USP34: variants seen among roughly 807,000 people sequenced by gnomAD.
The protein encoded by USP34 is ubiquitin specific peptidase 34.
USP34 carries 70 observed loss-of-function variants against 460.3 expected under a neutral mutation model. That is an observed-to-expected ratio of 0.15 (90% CI 0.13 to 0.19). The LOEUF (loss-of-function observed/expected upper bound fraction) is 0.19, where lower values mean the gene tolerates loss of function less well. Among genes scored for constraint, USP34 ranks in the 10% least tolerant of loss-of-function variants. USP34 has a pLI of 1.00. For synonymous variants in USP34, 1,647 were observed against 1,405.3 expected (o/e 1.17, Z -3.85); for missense variants, 3,985 against 4,236.2 (o/e 0.94, Z 1.65).
Position 61,246,029 on chromosome 2 carries a change from A to C in USP34, c.6548+295T>G, listed in dbSNP as rs150167146. Among the ~76,000 whole-genome samples the C allele has an allele frequency of 4.1e-4, 62 of 152,338 alleles. No individual in the cohort carries two copies. The East Asian group carries it at 0.011, about 27-fold the overall frequency. The stretch of plus-strand genomic sequence containing the variant: ...GCTACACTGTAGAAGATATTCAATG[A>C]ACAGCTCTTGAATGAATAGAGAAGA... On this transcript the variant is annotated intron_variant, in intron 50 of 79. Coordinates refer to ENST00000398571, the MANE Select transcript of USP34 (RefSeq NM_014709.4).
chr2:61,191,593 C>A (rs999447503), intron 76 of USP34, among the ~76,000 whole-genome samples: 31 of 152,138 alleles, frequency 2.0e-4, no homozygotes, highest in Admixed American at 6.5e-5. Flanking sequence ...AGGATGGCTG[C>A]TTCTATAGCA....
intron 21 of USP34, among the ~76,000 whole-genome samples, chr2:61,322,115 A>C (rs1414898773): frequency 6.6e-6 from 1 of 152,120 alleles, no homozygotes; most frequent in Non-Finnish European, 1.5e-5. Context: ...CTATAATACC[A>C]GCTACTCGGG....
intron 43 of USP34, among the ~76,000 whole-genome samples, chr2:61,264,762 A>C (rs549883414): frequency 5.3e-5 from 8 of 152,068 alleles, no homozygotes; most frequent in Admixed American, 3.9e-4. Flanking sequence ...GGTGGCTCAC[A>C]CCTGTAATCC....
intron 3 of USP34, among the ~76,000 whole-genome samples, chr2:61,400,006 C>A (rs1693664449): frequency 6.6e-6 from 1 of 151,696 alleles, no homozygotes; most frequent in African/African-American, 2.4e-5. Flanking sequence ...AAAAACCTCC[C>A]ATTTACTACA....
At position 61,204,560 on chromosome 2, in the gene USP34, G is replaced by A; in HGVS notation, c.9196C>T (p.Leu3066Phe). The change falls in exon 73 of 80, where the codon CTT (leucine) becomes TTT (phenylalanine). Residue 3066 changes from leucine (L) to phenylalanine (F), a missense_variant. Leu to Phe is a conservative substitution (Grantham distance 22). This residue lies in a region of USP34 where 275 missense variants were observed against 292.7 expected (regional missense o/e 0.94). Transcript: ENST00000398571. ...TGTAGAAAGGGAACCAGAGTATGAA[G>A]AAAATCATGGGGACTCAAAAGTACA... Reference protein sequence around the residue: ...ELVLLSPHDFLHTLVPFLQHN... With the variant: ...ELVLLSPHDFFHTLVPFLQHN... The A allele has an allele frequency of 6.2e-7, 1 of 1,614,066 alleles. No homozygotes were observed. The highest frequency in any genetic ancestry group is 8.5e-7 in the Non-Finnish European group (1 of 1,179,986).
Position 61,228,875 on chromosome 2 carries a change from T to C in USP34, c.7320A>G (p.Thr2440=). ...ATTCGTAAAGGAAGGCAAAATACTC[T>C]GTAAGATGTTTACTGTGAGGTTTTA... ...HGVKPHSKHL[T]EYFAFLYEFA... The change falls in exon 60 of 80, where the codon ACA becomes ACG. Residue 2440 remains threonine, a synonymous_variant. Transcript: ENST00000398571. 2.5e-6 allele frequency: 4 copies of C among 1,608,148 alleles called. No individual in the cohort carries two copies. The highest frequency in any genetic ancestry group is 2.5e-6 in the Non-Finnish European group (3 of 1,177,174).
At chr2:61,459,809 T>C (rs533384152) in intron 1 of USP34, among the ~76,000 whole-genome samples, 2 of 148,152 alleles carry the variant, frequency 1.3e-5, no homozygotes, top group South Asian at 2.1e-4. Context: ...CCTGTAATCG[T>C]AGCACTTTGG....
chr2:61,451,611 G>A (rs977966267), intron 1 of USP34, among the ~76,000 whole-genome samples: 1 of 151,794 alleles, frequency 6.6e-6, no homozygotes, highest in African/African-American at 2.4e-5. Context: ...CAACCTGGGA[G>A]ACGGAGGTTG....
intron 68 of USP34, among the ~76,000 whole-genome samples, chr2:61,213,471 T>C (rs1376611307): frequency 1.3e-5 from 2 of 152,176 alleles, no homozygotes; most frequent in African/African-American, 2.4e-5. Context: ...AGTGAAAAGT[T>C]ATTAACCAGG....
chr2:61,285,937 A>C (rs963575359), intron 34 of USP34, among the ~76,000 whole-genome samples: 3 of 152,172 alleles, frequency 2.0e-5, no homozygotes, highest in African/African-American at 7.2e-5. Context: ...GCAGGTTGGA[A>C]GGCATTCTGT....
chr2:61,277,365 T>C (rs1689402253), intron 41 of USP34, among the ~76,000 whole-genome samples: 1 of 151,720 alleles, frequency 6.6e-6, no homozygotes, highest in South Asian at 2.1e-4. Flanking sequence ...GCCTCCTGAG[T>C]AGCTGAGACT....
At position 61,217,857 on chromosome 2, in the gene USP34, A is replaced by T. The variant is rs186908692; in HGVS notation, c.8047+2453T>A. ...GTAATCCCAGCTACTCAGGAGGCTG[A>T]GACAGGAGAACTGCTTGAACCCGGG... On this transcript the variant is annotated intron_variant, in intron 67 of 79. Transcript: ENST00000398571. Among the ~76,000 whole-genome samples the T allele has an allele frequency of 7.3e-3, 1,107 of 152,314 alleles. 18 individuals carry two copies. The highest frequency in any genetic ancestry group is 0.025 in the African/African-American group (1,056 of 41,568).
At chr2:61,465,400 C>T (rs372748641) in intron 1 of USP34, among the ~76,000 whole-genome samples, 5 of 152,176 alleles carry the variant, frequency 3.3e-5, no homozygotes, top group South Asian at 2.1e-4. Flanking sequence ...GATGACAAAA[C>T]GAACTGTTCA....
At position 61,347,904 on chromosome 2, in the gene USP34, G is replaced by A; in HGVS notation, c.2251C>T (p.His751Tyr). 1.2e-6 allele frequency: 2 copies of A among 1,613,834 alleles called. No homozygotes were observed. Among genetic ancestry groups the A allele is most frequent in the Non-Finnish European group, 8.5e-7 (1 of 1,179,866 alleles). ...CRQFIGPQHH[H>Y]HHHHHHHHHD... ...TGGTGGTGATGGTGGTGGTGGTGGT[G>A]GTGATGCTGTGGACCAATAAATTGT... Residue 751 changes from histidine (H) to tyrosine (Y), a missense_variant, in exon 15 of 80, where the codon CAC becomes TAC. Around this residue, in one of 14 missense-constraint regions of USP34, gnomAD observed 716 missense variants for 626.2 expected, o/e 1.14. Coordinates refer to ENST00000398571, the MANE Select transcript of USP34 (RefSeq NM_014709.4).
At chr2:61,354,300 A>C (rs190433130) in intron 10 of USP34, among the ~76,000 whole-genome samples, 1 of 152,190 alleles carries the variant, frequency 6.6e-6, no homozygotes, top group Admixed American at 6.5e-5. Flanking sequence ...ATTATCAGCG[A>C]ATTTCTCATC....
chr2:61,228,721 TAAACAAAC>T lies in USP34; in HGVS notation c.7369-10_7369-3del. ...TTGCAATGAAAGCAAAAATTGGCTC[TAAACAAAC>T]AAACAAACAAAATTTAAAAATATAA... On this transcript the variant is annotated splice_region_variant and splice_polypyrimidine_tract_variant and intron_variant, in intron 60 of 79. Coordinates refer to ENST00000398571, the MANE Select transcript of USP34 (RefSeq NM_014709.4). The T allele has an allele frequency of 6.2e-7, 1 of 1,605,818 alleles. No individual in the cohort carries two copies. Among genetic ancestry groups the T allele is most frequent in the Non-Finnish European group, 8.5e-7 (1 of 1,177,558 alleles).
intron 1 of USP34, among the ~76,000 whole-genome samples, chr2:61,433,875 C>T (rs1328072126): frequency 6.6e-6 from 1 of 152,178 alleles, no homozygotes; most frequent in Non-Finnish European, 1.5e-5. Context: ...CTCTGCAGCA[C>T]TTCAGCTCCA....
intron 43 of USP34, among the ~76,000 whole-genome samples, chr2:61,262,154 G>C (rs28480287): frequency 0.24 from 30,898 of 128,258 alleles, 3,730 homozygotes; most frequent in South Asian, 0.34. Context: ...TAGATAGATA[G>C]ATATAGAAAT....
In USP34 at chr2:61,458,034, T is replaced by G. The variant is rs145243164; in HGVS notation, c.43+12616A>C. ...AGTGATCTTACGATTTTTCAGATAT[T>G]TTAAATAAACACTGATCCTACCACA... On this transcript the variant is annotated intron_variant, in intron 1 of 79. Coordinates refer to ENST00000398571, the MANE Select transcript of USP34 (RefSeq NM_014709.4). 2.8e-3 allele frequency among the ~76,000 whole-genome samples: 423 copies of G among 152,246 alleles called. 2 individuals carry two copies. Among genetic ancestry groups the G allele is most frequent in the African/African-American group, 9.5e-3 (394 of 41,556 alleles).
Sources: gnomAD v4.1 joint callset for allele counts (sites outside exome capture counted in the v4.1 genomes callset) on GRCh38, gnomAD v4.1.1 for gene constraint, gnomAD v4.1.1 regional missense constraint, MANE v1.5 for transcripts, NCBI Gene and HGNC (gene_info 2026-07-23, HGNC 2026-07-21) for gene names.